CLEC4F: variants seen among roughly 807,000 people sequenced by gnomAD.
CLEC4F encodes the protein C-type lectin domain family 4 member F.
A neutral mutation model predicts 53.4 loss-of-function variants in CLEC4F; 45 were observed. The ratio of observed to expected loss-of-function variants is 0.84; its 90% CI spans 0.66 to 1.08. The LOEUF (loss-of-function observed/expected upper bound fraction) is 1.08, where lower values mean the gene tolerates loss of function less well. CLEC4F is among the 50% of genes least tolerant of loss of function. The pLI is 0.00. For synonymous variants in CLEC4F, 245 were observed against 257.5 expected, an observed-to-expected ratio of 0.95 and a Z score of 0.46; for missense variants, 753 against 698.2, an observed-to-expected ratio of 1.08 and a Z score of -0.88.
intron 3 of CLEC4F, among the ~76,000 whole-genome samples, chr2:70,818,741 T>C (rs1298511540): frequency 6.6e-6 from 1 of 150,988 alleles, no homozygotes; most frequent in African/African-American, 2.4e-5. Flanking sequence ...AACTAAAAAC[T>C]GTACAATTTC....
chr2:70,817,865 A>T (rs550123768), intron 3 of CLEC4F, among the ~76,000 whole-genome samples: 1 of 152,224 alleles, frequency 6.6e-6, no homozygotes, highest in South Asian at 2.1e-4. Context: ...TTGAGGATAC[A>T]GGAAACCTGA....
chr2:70,816,891 A>C lies in CLEC4F; in HGVS notation c.490T>G (p.Leu164Val). Residue 164 changes from leucine (L) to valine (V), a missense_variant, in exon 4 of 7, where the codon TTG (leucine) becomes GTG (valine). Coordinates refer to ENST00000272367, the MANE Select transcript of CLEC4F (RefSeq NM_173535.3). ...GVLKDATTLS[L>V]QTQMLRSSLE... ...GAACTCCTTAACATCTGTGTCTGCAAACTCAATGTAGTGGCATCCTTTAGA... is the reference window on the plus strand; with the variant it reads ...GAACTCCTTAACATCTGTGTCTGCACACTCAATGTAGTGGCATCCTTTAGA... 1 of 1,614,164 alleles carries C rather than the reference A, an allele frequency of 6.2e-7. No individual in the cohort carries two copies. The highest frequency in any genetic ancestry group is 1.1e-5 in the South Asian group (1 of 91,080).
Position 70,809,228 on chromosome 2 carries a change from T to C in CLEC4F, c.*43A>G, listed in dbSNP as rs1553393460. 6.2e-7 allele frequency: 1 copy of C among 1,604,490 alleles called. No individual in the cohort carries two copies. Among genetic ancestry groups the C allele is most frequent in the Non-Finnish European group, 8.5e-7 (1 of 1,175,796 alleles). On this transcript the variant is annotated 3_prime_UTR_variant, in exon 7 of 7. Transcript: ENST00000272367. The stretch of plus-strand genomic sequence containing the variant: ...AGTGGCCCTAGGATGAGGACAGGGC[T>C]GGGAGAAGGAGTACCCTGAGGGTGT...
intron 1 of CLEC4F, 22 bp downstream of exon 1, chr2:70,820,441 G>T (rs1270394729): frequency 1.3e-6 from 2 of 1,568,314 alleles, no homozygotes; most frequent in East Asian, 2.3e-5. Flanking sequence ...CTGGGCAAGA[G>T]CTGGGGCCCC....
chr2:70,823,961 C>T (rs933514176), upstream of CLEC4F, among the ~76,000 whole-genome samples: 16 of 142,836 alleles, frequency 1.1e-4, no homozygotes, highest in Non-Finnish European at 1.7e-4. Flanking sequence ...ACCTGGGAGG[C>T]GGAGGTGGCA....
Position 70,809,351 on chromosome 2 carries a change from T to C in CLEC4F, c.1690A>G (p.Lys564Glu), listed in dbSNP as rs1553393557. The part of the protein sequence containing the change: ...PGSKGSCPLR[K>E]YIIVNSGMGA... ...ATCCCAGAATTCACAATAATATACT[T>C]TCTGAGTGGGCAGGATCCCTTGGAA... is the stretch of plus-strand genomic sequence containing the variant. Residue 564 changes from lysine (K) to glutamate (E), a missense_variant, in exon 7 of 7, where the codon AAG becomes GAG. Coordinates refer to ENST00000272367, the MANE Select transcript of CLEC4F (RefSeq NM_173535.3). The C allele has an allele frequency of 6.2e-7, 1 of 1,612,736 alleles. No homozygotes were observed. The highest frequency in any genetic ancestry group is 2.2e-5 in the East Asian group (1 of 44,854).
chr2:70,819,363 T>G lies in CLEC4F; in HGVS notation c.260A>C (p.Glu87Ala). The change falls in exon 3 of 7, where the codon GAA becomes GCA. Residue 87 changes from glutamate to alanine, a missense_variant. Coordinates refer to ENST00000272367, the MANE Select transcript of CLEC4F (RefSeq NM_173535.3). ...CCACTGTGGCTACTCACTGTTGGGT[T>G]CAAAAGGTAAATGCCCAGTAATGTT... is the stretch of plus-strand genomic sequence containing the variant. ...GDNITGHLPF[E>A]PNNHHHFGRE... is the part of the protein sequence containing the mutation. 1 of 1,614,008 alleles carries G rather than the reference T, an allele frequency of 6.2e-7. No individual in the cohort carries two copies. Among genetic ancestry groups the G allele is most frequent in the Non-Finnish European group, 8.5e-7 (1 of 1,179,950 alleles).
rs1488602878 is a variant in CLEC4F at position 70,816,716 on chromosome 2, G to C, written c.665C>G (p.Ala222Gly). The change falls in exon 4 of 7, where the codon GCA becomes GGA. Residue 222 changes from alanine to glycine, a missense_variant. Coordinates refer to ENST00000272367, the MANE Select transcript of CLEC4F (RefSeq NM_173535.3). ...ATTCAACATCTGAATTTCAGAGTTT[G>C]CATTTTCTAAGCCTCTGCTTAGCAC... ...LHVLSRGLEN[A>G]NSEIQMLNAS... 6.2e-7 allele frequency: 1 copy of C among 1,614,032 alleles called. No homozygotes were observed. Among genetic ancestry groups the C allele is most frequent in the Non-Finnish European group, 8.5e-7 (1 of 1,180,020 alleles).
chr2:70,819,772 T>C lies in CLEC4F; in HGVS notation c.178+3A>G. On this transcript the variant is annotated splice_donor_region_variant and intron_variant, in intron 2 of 6. Coordinates refer to ENST00000272367, the MANE Select transcript of CLEC4F (RefSeq NM_173535.3). ...GTGAGATTTGGGTCACCTGGGGGCT[T>C]ACCCACTACAAAGAGAGTCACAAGA... is the stretch of plus-strand genomic sequence containing the variant. 2.5e-6 allele frequency: 4 copies of C among 1,577,290 alleles called. No individual in the cohort carries two copies. Among genetic ancestry groups the C allele is most frequent in the Non-Finnish European group, 3.4e-6 (4 of 1,161,708 alleles).
chr2:70,816,428 T>A lies in CLEC4F; in HGVS notation c.953A>T (p.Gln318Leu). ...SSFDNTSAEI[Q>L]FLRGHLERAG... ...TCTTTCCAAATGACCTCTTAAGAACTGGATCTCAGCACTAGTGTTGTCAAA... is the reference window on the plus strand; with the variant it reads ...TCTTTCCAAATGACCTCTTAAGAACAGGATCTCAGCACTAGTGTTGTCAAA... The change falls in exon 4 of 7, where the codon CAG (glutamine) becomes CTG (leucine). Residue 318 changes from glutamine (Q) to leucine (L), a missense_variant. Physicochemically the swap from Gln to Leu is moderately radical, Grantham distance 113. Transcript: ENST00000272367. 1 of 1,614,082 alleles carries A rather than the reference T, an allele frequency of 6.2e-7. No individual in the cohort carries two copies. The highest frequency in any genetic ancestry group is 8.5e-7 in the Non-Finnish European group (1 of 1,180,006).
rs1553397511 is a variant in CLEC4F at position 70,819,853 on chromosome 2, T to C, written c.100A>G (p.Ile34Val). The C allele has an allele frequency of 1.2e-6, 2 of 1,606,688 alleles. No homozygotes were observed. Among genetic ancestry groups the C allele is most frequent in the Non-Finnish European group, 1.7e-6 (2 of 1,176,786 alleles). The change falls in exon 2 of 7, where the codon ATA (isoleucine) becomes GTA (valine). Residue 34 changes from isoleucine (I) to valine (V), a missense_variant. Transcript: ENST00000272367. The part of the protein sequence containing the change: ...SVAMAPAAPK[I>V]PRLVQATPAF... ...GGGGTAGCCTGAACGAGCCTCGGTA[T>C]CTTGGGGGCTGCAGGAGCCATTGCC...
At chr2:70,821,165 G>A (rs1207973688), upstream of CLEC4F, among the ~76,000 whole-genome samples, 51 of 152,158 alleles carry the variant, frequency 3.4e-4, no homozygotes, top group Non-Finnish European at 1.9e-4. Context: ...CAGATACCAA[G>A]GGACAACTCT....
chr2:70,821,998 A>T (rs6749945), upstream of CLEC4F, among the ~76,000 whole-genome samples: 1 of 151,732 alleles, frequency 6.6e-6, no homozygotes, highest in African/African-American at 2.4e-5. Context: ...GCTTCAAGTG[A>T]TCCTCCCACC....
upstream of CLEC4F, among the ~76,000 whole-genome samples, chr2:70,823,463 G>C (rs1421543301): frequency 6.6e-6 from 1 of 152,194 alleles, no homozygotes; most frequent in African/African-American, 2.4e-5. Flanking sequence ...GCCCAGGCTG[G>C]ACCTACTCAG....
At chr2:70,822,338 G>C (rs1203244109), upstream of CLEC4F, among the ~76,000 whole-genome samples, 1 of 152,176 alleles carries the variant, frequency 6.6e-6, no homozygotes, top group Non-Finnish European at 1.5e-5. Context: ...TGCCTCCTGA[G>C]GTGACCAGGT....
intron 3 of CLEC4F, 62 bp downstream of exon 3, chr2:70,819,293 A>G: frequency 8.1e-7 from 1 of 1,238,186 alleles, no homozygotes; most frequent in Non-Finnish European, 1.2e-6. Context: ...AGCTCATCCT[A>G]GGGTCTGAGC....
Position 70,819,847 on chromosome 2 carries a change from T to G in CLEC4F, c.106A>C (p.Arg36=), listed in dbSNP as rs782432996. 1 of 1,607,684 alleles carries G rather than the reference T, an allele frequency of 6.2e-7. No homozygotes were observed. The highest frequency in any genetic ancestry group is 8.5e-7 in the Non-Finnish European group (1 of 1,177,262). ...AMAPAAPKIP[R]LVQATPAFMA... ...AATGCCGGGGTAGCCTGAACGAGCC[T>G]CGGTATCTTGGGGGCTGCAGGAGCC... Residue 36 remains arginine (R), a synonymous_variant, in exon 2 of 7, where the codon AGG becomes CGG. Transcript: ENST00000272367.
intron 4 of CLEC4F, among the ~76,000 whole-genome samples, chr2:70,813,971 GC>G (rs1553395154): frequency 6.6e-6 from 1 of 152,190 alleles, no homozygotes; most frequent in East Asian, 1.9e-4. Flanking sequence ...AAGCCACTGT[GC>G]CCCGTCTGGA....
At chr2:70,821,553 C>G (rs1677221803), upstream of CLEC4F, among the ~76,000 whole-genome samples, 1 of 152,210 alleles carries the variant, frequency 6.6e-6, no homozygotes, top group Admixed American at 6.5e-5. Flanking sequence ...CCTGACTCCA[C>G]AGAGACAGAG....
Sources: allele counts gnomAD v4.1 joint callset (sites outside exome capture counted in the v4.1 genomes callset), GRCh38; gene constraint gnomAD v4.1.1; transcripts MANE v1.5; gene names NCBI Gene and HGNC (gene_info 2026-07-23, HGNC 2026-07-21).